The following QSOX1 variants were observed in gnomAD, a reference collection of about 807,000 sequenced individuals.
The protein encoded by QSOX1 is quiescin sulfhydryl oxidase 1.
A neutral mutation model predicts 76.1 loss-of-function variants in QSOX1; 40 were observed. The observed-to-expected ratio is 0.53, with a 90% CI of 0.41 to 0.68. The LOEUF is 0.68. Among genes scored for constraint, QSOX1 ranks in the 30% least tolerant of loss-of-function variants. QSOX1 has a pLI of 0.00. For synonymous variants in QSOX1, 392 were observed against 413.1 expected, an observed-to-expected ratio of 0.95 and a Z score of 0.62; for missense variants, 931 against 974.3, an observed-to-expected ratio of 0.96 and a Z score of 0.59.
Position 180,196,770 on chromosome 1 carries a change from G to A in QSOX1, c.1977G>A (p.Lys659=), listed in dbSNP as rs1663501971. ...AALLAESRAE[K]NRLWGPLEVR... is the part of the protein sequence containing the mutation. ...TGCTGGCTGAGTCCAGGGCTGAGAA[G>A]AACCGCCTCTGGGGCCCTTTGGAGG... The change falls in exon 12 of 12, where the codon AAG becomes AAA. Residue 659 remains lysine, a synonymous_variant. Transcript: ENST00000367602. The surrounding 1 kb of genome is among the most constrained non-coding windows in gnomAD (Gnocchi z 4.1). The A allele has an allele frequency of 5.6e-6, 9 of 1,614,006 alleles. No individual in the cohort carries two copies. Among genetic ancestry groups the A allele is most frequent in the Non-Finnish European group, 7.6e-6 (9 of 1,179,886 alleles).
At chr1:180,159,939 A>T (rs1244603964) in intron 1 of QSOX1, among the ~76,000 whole-genome samples, 1 of 152,162 alleles carries the variant, frequency 6.6e-6, no homozygotes, top group Non-Finnish European at 1.5e-5. Flanking sequence ...CTCAGTAATC[A>T]TCGTTTTGGG....
intron 10 of QSOX1, among the ~76,000 whole-genome samples, chr1:180,191,776 C>T (rs568012968): frequency 7.9e-4 from 121 of 152,284 alleles, no homozygotes; most frequent in Middle Eastern, 3.4e-3. Flanking sequence ...CAGTGTGGGA[C>T]GTCTGGGAAG....
At chr1:180,183,125 C>T (rs3767179) in intron 6 of QSOX1, among the ~76,000 whole-genome samples, 11 of 151,952 alleles carry the variant, frequency 7.2e-5, no homozygotes, top group African/African-American at 2.4e-4. Context: ...CTCCTCTCTC[C>T]GAGTTGGTGG....
intron 6 of QSOX1, 26 bp downstream of exon 6, chr1:180,182,345 C>G: frequency 6.2e-7 from 1 of 1,613,184 alleles, no homozygotes; most frequent in African/African-American, 1.3e-5. Context: ...CCTGGCGTCC[C>G]CTCTCGTCCC....
intron 6 of QSOX1, among the ~76,000 whole-genome samples, chr1:180,183,220 G>A (rs1299954016): frequency 1.3e-5 from 2 of 151,822 alleles, no homozygotes; most frequent in Non-Finnish European, 2.9e-5. Flanking sequence ...ATGAAGCCGT[G>A]CGTCCCATGC....
At position 180,187,335 on chromosome 1, in the gene QSOX1, A is replaced by G. The variant is rs528399677; in HGVS notation, c.1017+1153A>G. ...AATAGAGACCTTTCCTCCAAGGCTG[A>G]GAGCTGTTTGGTCCTCACAGTGCAG... On this transcript the variant is annotated intron_variant, in intron 8 of 11. Coordinates refer to ENST00000367602, the MANE Select transcript of QSOX1 (RefSeq NM_002826.5). Among the ~76,000 whole-genome samples, 5 of 152,332 alleles carry G rather than the reference A, an allele frequency of 3.3e-5. No individual in the cohort carries two copies. In the East Asian group the frequency reaches 9.7e-4, roughly 29 times the overall value.
intron 2 of QSOX1, among the ~76,000 whole-genome samples, chr1:180,172,921 T>C (rs943838147): frequency 2.0e-5 from 3 of 152,180 alleles, no homozygotes; most frequent in Non-Finnish European, 4.4e-5. Flanking sequence ...AATGACCATA[T>C]TACTTTTCAG....
chr1:180,164,858 T>C (rs1466619886), intron 1 of QSOX1, among the ~76,000 whole-genome samples: 1 of 152,188 alleles, frequency 6.6e-6, no homozygotes, highest in East Asian at 1.9e-4. Flanking sequence ...CAGCATCTGC[T>C]TAGCTTCTGG....
rs1663630725 is a variant in QSOX1 at position 180,201,192 on chromosome 1, G to A, written c.*4155G>A. 6.6e-6 allele frequency: 1 copy of A among 152,216 alleles called. No homozygotes were observed. The highest frequency in any genetic ancestry group is 2.4e-5 in the African/African-American group (1 of 41,436). The allele number at this position is 152,216 out of a possible 1,614,324, so 9.4% of individuals were successfully genotyped here. On this transcript the variant is annotated 3_prime_UTR_variant, in exon 12 of 12. Coordinates refer to ENST00000367602, the MANE Select transcript of QSOX1 (RefSeq NM_002826.5). ...CCCATCCATGTATTGCCAGCTACATGTAGAGTGGAGAGGAGAGGTTTTTCC... is the reference window on the plus strand; with the variant it reads ...CCCATCCATGTATTGCCAGCTACATATAGAGTGGAGAGGAGAGGTTTTTCC...
chr1:180,157,245 G>T (rs1300238121), intron 1 of QSOX1, among the ~76,000 whole-genome samples: 1 of 152,246 alleles, frequency 6.6e-6, no homozygotes, highest in Non-Finnish European at 1.5e-5. Flanking sequence ...TGAGCCATTG[G>T]TGTGAGTCAG....
At chr1:180,167,012 G>T (rs993389371) in intron 2 of QSOX1, among the ~76,000 whole-genome samples, 3 of 152,262 alleles carry the variant, frequency 2.0e-5, no homozygotes, top group Non-Finnish European at 2.9e-5. Context: ...GCCTCAGGCA[G>T]CAGGGATCCC....
At chr1:180,167,815 T>C (rs1662667786) in intron 2 of QSOX1, among the ~76,000 whole-genome samples, 1 of 152,228 alleles carries the variant, frequency 6.6e-6, no homozygotes, top group African/African-American at 2.4e-5. Context: ...ATGAAAGGCC[T>C]TCCTGGCAGG....
intron 8 of QSOX1, among the ~76,000 whole-genome samples, chr1:180,187,670 C>T (rs12087182): frequency 6.6e-6 from 1 of 152,248 alleles, no homozygotes; most frequent in African/African-American, 2.4e-5. Flanking sequence ...GGCATCACCC[C>T]CTCTGTGCCT....
intron 9 of QSOX1, 100 bp from the exon 10 acceptor site, chr1:180,190,333 G>A (rs1663277417): frequency 9.0e-6 from 12 of 1,326,202 alleles, no homozygotes; most frequent in African/African-American, 1.5e-5. Flanking sequence ...TAGACTGAGG[G>A]ACCTCATTTG....
At chr1:180,172,872 C>G (rs1461288791) in intron 2 of QSOX1, among the ~76,000 whole-genome samples, 1 of 152,052 alleles carries the variant, frequency 6.6e-6, no homozygotes, top group Non-Finnish European at 1.5e-5. Context: ...ATATGGGCAC[C>G]TGCTCAGATG....
intron 10 of QSOX1, among the ~76,000 whole-genome samples, 190 bp downstream of exon 10, chr1:180,190,770 G>A (rs1409488394): frequency 6.6e-6 from 1 of 152,150 alleles, no homozygotes; most frequent in Non-Finnish European, 1.5e-5. Context: ...GGCCAGAATA[G>A]AACCAATCCC....
At chr1:180,181,966 G>A (rs1038446694) in intron 5 of QSOX1, among the ~76,000 whole-genome samples, 2 of 152,208 alleles carry the variant, frequency 1.3e-5, no homozygotes, top group Non-Finnish European at 2.9e-5. Context: ...TCTCCTCCTG[G>A]GCAGTGATTG....
chr1:180,184,018 G>C lies in QSOX1; in HGVS notation c.855G>C (p.Lys285Asn). 1 of 1,614,202 alleles carries C rather than the reference G, an allele frequency of 6.2e-7. No homozygotes were observed. The highest frequency in any genetic ancestry group is 8.5e-7 in the Non-Finnish European group (1 of 1,180,028). ...QTTVAPTTAN[K>N]IAPTVWKLAD... ...CAGTTGCACCAACCACTGCTAACAA[G>C]ATAGCTCCCACTGTTTGGAAATTGG... The change falls in exon 7 of 12, where the codon AAG becomes AAC. Residue 285 changes from lysine to asparagine, a missense_variant. Transcript: ENST00000367602.
chr1:180,156,922 T>C (rs1662386960), intron 1 of QSOX1, among the ~76,000 whole-genome samples: 1 of 152,222 alleles, frequency 6.6e-6, no homozygotes, highest in Non-Finnish European at 1.5e-5. Flanking sequence ...GATGGACTTA[T>C]TCTAGAATTT....
Sources: allele counts gnomAD v4.1 joint callset (sites outside exome capture counted in the v4.1 genomes callset), GRCh38; gene constraint gnomAD v4.1.1; non-coding constraint Gnocchi (gnomAD v3.1); transcripts MANE v1.5; gene names NCBI Gene and HGNC (gene_info 2026-07-23, HGNC 2026-07-21).